ANK2: variants seen among roughly 807,000 people sequenced by gnomAD.
The protein encoded by ANK2 is ankyrin 2, also known as ankyrin-2.
In ANK2, 83 loss-of-function variants were observed where a neutral mutation model predicts 360.5. The ratio of observed to expected loss-of-function variants is 0.23; its 90% CI spans 0.19 to 0.28. ANK2 has a LOEUF of 0.28. ANK2 is among the 10% of genes least tolerant of loss of function. ANK2 has a pLI of 1.00. For synonymous variants in ANK2, 1,740 were observed against 1,759.5 expected (o/e 0.99, Z 0.28); for missense variants, 4,201 against 4,795.7 (o/e 0.88, Z 3.66).
chr4:113,264,193 C>T (rs941699625), intron 13 of ANK2, among the ~76,000 whole-genome samples: 11 of 148,606 alleles, frequency 7.4e-5, no homozygotes, highest in African/African-American at 2.5e-4. Flanking sequence ...TGTCTAGTCT[C>T]ATAACACAAA....
At chr4:112,749,420 T>C in the ANK2 span, among the ~76,000 whole-genome samples, 1 of 152,138 alleles carries the variant, frequency 6.6e-6, no homozygotes, top group Non-Finnish European at 1.5e-5. Flanking sequence ...AATAGATCCA[T>C]AGATATTAAT....
At chr4:112,742,256 G>C in the ANK2 span, among the ~76,000 whole-genome samples, 1 of 152,182 alleles carries the variant, frequency 6.6e-6, no homozygotes, top group Non-Finnish European at 1.5e-5. Flanking sequence ...GACAGAGCGA[G>C]ACTCTGTCTC....
At chr4:112,948,860 C>A in intron 2 of ANK2, among the ~76,000 whole-genome samples, 1 of 152,156 alleles carries the variant, frequency 6.6e-6, no homozygotes, top group East Asian at 1.9e-4. Flanking sequence ...GGGAATGAGG[C>A]TAGTGAGTAG....
intron 40 of ANK2, 101 bp downstream of exon 40, chr4:113,363,570 T>A: frequency 7.5e-7 from 1 of 1,328,202 alleles, no homozygotes; most frequent in Non-Finnish European, 1.1e-6. Flanking sequence ...GCAAATGCCA[T>A]TAATCTGCAG....
In ANK2 at chr4:113,288,303, C is replaced by T; in HGVS notation, c.2179-85C>T. On this transcript the variant is annotated intron_variant, in intron 19 of 45. Transcript: ENST00000357077. The stretch of plus-strand genomic sequence containing the variant: ...AATCCTATAATAACTGATACTCTAC[C>T]CAGTCCTTCTCCTCTGGGGTATTAA... 3.6e-6 allele frequency: 4 copies of T among 1,105,116 alleles called. 1 individual carries two copies. In the Admixed American group the frequency reaches 5.2e-5, roughly 14 times the overall value. 68.5% of individuals were successfully genotyped at this position (1,105,116 alleles called of 1,614,324 possible).
At position 113,113,863 on chromosome 4, in the gene ANK2, A is replaced by C. The variant is rs1421086060; in HGVS notation, c.85-60553A>C. Among the ~76,000 whole-genome samples, 2 of 152,224 alleles carry C rather than the reference A, an allele frequency of 1.3e-5. 1 individual carries two copies. The highest frequency in any genetic ancestry group is 2.9e-5 in the Non-Finnish European group (2 of 68,042). On this transcript the variant is annotated intron_variant, in intron 1 of 45. Transcript: ENST00000357077. ...TAGAAATCATAGTTAAGTTTGAGCA[A>C]CACAAGTATACAAGAAGGAAAGATT...
chr4:113,321,080 C>G (rs2085954390), intron 26 of ANK2, among the ~76,000 whole-genome samples: 1 of 152,178 alleles, frequency 6.6e-6, no homozygotes, highest in Non-Finnish European at 1.5e-5. Flanking sequence ...TCAGACCTGT[C>G]AGAATTAAAT....
At chr4:113,154,997 A>G (rs2097228343) in intron 1 of ANK2, among the ~76,000 whole-genome samples, 2 of 152,230 alleles carry the variant, frequency 1.3e-5, no homozygotes, top group South Asian at 4.1e-4. Flanking sequence ...AAGATAACTT[A>G]GAGGTGGAAA....
At chr4:112,922,444 C>T (rs1445117619) in intron 2 of ANK2, among the ~76,000 whole-genome samples, 1 of 152,084 alleles carries the variant, frequency 6.6e-6, no homozygotes, top group East Asian at 1.9e-4. Flanking sequence ...CTGATTTAGC[C>T]CAACTAGGCT....
chr4:113,004,392 A>G (rs2051983835), intron 2 of ANK2, among the ~76,000 whole-genome samples: 1 of 151,896 alleles, frequency 6.6e-6, no homozygotes, highest in South Asian at 2.1e-4. Context: ...TTTTGTTTTT[A>G]ATTTTTTTTT....
intron 22 of ANK2, among the ~76,000 whole-genome samples, chr4:113,298,274 T>G (rs144394271): frequency 1.1e-3 from 160 of 152,320 alleles, no homozygotes; most frequent in African/African-American, 3.8e-3. Context: ...TAAAGTTATA[T>G]TAATATGTAT....
the ANK2 span, chr4:112,788,502 C>A: frequency 1.3e-6 from 2 of 1,579,956 alleles, no homozygotes; most frequent in Non-Finnish European, 8.7e-7. Flanking sequence ...TTGGTGGGGA[C>A]GTCCCCTTTG....
intron 1 of ANK2, among the ~76,000 whole-genome samples, chr4:112,878,702 A>C (rs535644130): frequency 1.3e-5 from 2 of 151,456 alleles, no homozygotes; most frequent in South Asian, 2.1e-4. Flanking sequence ...GGCGCGATCT[A>C]GGCTCACTAC....
intron 36 of ANK2, among the ~76,000 whole-genome samples, chr4:113,349,644 T>G (rs1457232575): frequency 6.6e-6 from 1 of 152,176 alleles, no homozygotes; most frequent in Non-Finnish European, 1.5e-5. Context: ...CTGTACTCAG[T>G]GACCCTACCA....
At chr4:112,825,738 G>A (rs936807494) in intron 1 of ANK2, among the ~76,000 whole-genome samples, 41 of 152,118 alleles carry the variant, frequency 2.7e-4, no homozygotes, top group Non-Finnish European at 2.9e-5. Context: ...CAAAGAAACA[G>A]GTAAATTTGT....
intron 2 of ANK2, among the ~76,000 whole-genome samples, chr4:113,038,458 C>T (rs2062105922): frequency 6.6e-6 from 1 of 151,760 alleles, no homozygotes; most frequent in African/African-American, 2.4e-5. Flanking sequence ...GGGAAAAGAC[C>T]CCCTTAGTAT....
chr4:113,243,862 C>CA (rs1240042738), intron 9 of ANK2, among the ~76,000 whole-genome samples: 1 of 152,018 alleles, frequency 6.6e-6, no homozygotes, highest in African/African-American at 2.4e-5. Flanking sequence ...TTTGGAAATG[C>CA]AAAAAAATTT....
chr4:113,000,047 C>T (rs1218672791), intron 2 of ANK2, among the ~76,000 whole-genome samples: 2 of 152,096 alleles, frequency 1.3e-5, no homozygotes, highest in African/African-American at 2.4e-5. Flanking sequence ...TGGGAGTTCA[C>T]ATAAAAGGAC....
At chr4:113,083,301 C>G (rs2083161901) in intron 1 of ANK2, among the ~76,000 whole-genome samples, 1 of 152,036 alleles carries the variant, frequency 6.6e-6, no homozygotes, top group South Asian at 2.1e-4. Context: ...GCCTTAGCCT[C>G]CCTGAGTAGC....
Sources: gnomAD v4.1 joint callset for allele counts (sites outside exome capture counted in the v4.1 genomes callset) on GRCh38, gnomAD v4.1.1 for gene constraint, MANE v1.5 for transcripts, NCBI Gene and HGNC (gene_info 2026-07-23, HGNC 2026-07-21) for gene names.